SDR42E1: variants seen among roughly 807,000 people sequenced by gnomAD.
SDR42E1 encodes short chain dehydrogenase/reductase family 42E, member 1.
A neutral mutation model predicts 2.6 loss-of-function variants in SDR42E1; 5 were observed. The observed-to-expected ratio is 1.94, with a 90% CI of 1.01 to 4.08. SDR42E1 has a LOEUF of 4.08. SDR42E1 is among the 30% of genes most tolerant of loss of function. The pLI is 0.00. For missense variants in SDR42E1, 596 were observed against 478.6 expected, an observed-to-expected ratio of 1.25 and a Z score of -2.29; for synonymous variants, 231 against 188.3, an observed-to-expected ratio of 1.23 and a Z score of -1.86.
chr16:82,000,725 G>C, intron 2 of SDR42E1, 66 bp downstream of exon 2: 3 of 1,182,148 alleles, frequency 2.5e-6, no homozygotes, highest in Non-Finnish European at 2.5e-6. Flanking sequence ...TCTGCTGTCA[G>C]AGTTGAATGC....
rs1912542222 is a variant in SDR42E1, at chr16:81,996,378, G to A, written c.*2733C>T. 1 of 152,216 alleles carries A rather than the reference G, an allele frequency of 6.6e-6. No individual in the cohort carries two copies. The highest frequency in any genetic ancestry group is 2.1e-4 in the South Asian group (1 of 4,828). The allele number at this position is 152,216 out of a possible 1,614,324, so 9.4% of individuals were successfully genotyped here. On this transcript the variant is annotated 3_prime_UTR_variant, in exon 3 of 3. Coordinates refer to ENST00000328945, the MANE Select transcript of SDR42E1 (RefSeq NM_145168.3). The stretch of plus-strand genomic sequence containing the variant: ...ATCAACTGGCTTAAACATGGGTTAG[G>A]TGTGTCAAGTCTGGGAGAGGGCAGG...
Position 81,989,575 on chromosome 16 carries a change from G to C in SDR42E1, c.*9536C>G, listed in dbSNP as rs995654637. 2.0e-5 allele frequency: 3 copies of C among 152,220 alleles called. No individual in the cohort carries two copies. The highest frequency in any genetic ancestry group is 2.9e-5 in the Non-Finnish European group (2 of 68,048). The allele number at this position is 152,220 out of a possible 1,614,324, so 9.4% of individuals were successfully genotyped here. On this transcript the variant is annotated 3_prime_UTR_variant, in exon 3 of 3. Coordinates refer to ENST00000328945, the MANE Select transcript of SDR42E1 (RefSeq NM_145168.3). Reference sequence around the variant, plus strand: ...ATTTAAAACCAACACACACCGCTATGGGTGTTTATAGACATCAAAATTTAG... The same window carrying C: ...ATTTAAAACCAACACACACCGCTATCGGTGTTTATAGACATCAAAATTTAG...
In SDR42E1 at chr16:81,994,264, G is replaced by C. The variant is rs760533971; in HGVS notation, c.*4847C>G. On this transcript the variant is annotated 3_prime_UTR_variant, in exon 3 of 3. Coordinates refer to ENST00000328945, the MANE Select transcript of SDR42E1 (RefSeq NM_145168.3). ...TTTGGCTCTTCTTAACACATAGCTG[G>C]ACCCAGCAGCCCAAACATCATCAGC... 6.6e-6 allele frequency: 1 copy of C among 152,202 alleles called. No homozygotes were observed. The highest frequency in any genetic ancestry group is 2.4e-5 in the African/African-American group (1 of 41,418). The allele number at this position is 152,202 out of a possible 1,614,324, so 9.4% of individuals were successfully genotyped here.
In SDR42E1 at chr16:81,993,136, C is replaced by G. The variant is rs533015502; in HGVS notation, c.*5975G>C. 1.3e-5 allele frequency: 2 copies of G among 152,198 alleles called. No homozygotes were observed. Among genetic ancestry groups the G allele is most frequent in the Non-Finnish European group, 2.9e-5 (2 of 68,092 alleles). 9.4% of individuals were successfully genotyped at this position (152,198 alleles called of 1,614,324 possible). On this transcript the variant is annotated 3_prime_UTR_variant, in exon 3 of 3. Transcript: ENST00000328945. ...ATAAAGGAGCAGGTGGGGGGTCACT[C>G]GAATCCAAGGCCCTTTGGCGAGTCC...
chr16:81,999,759 T>G lies in SDR42E1; in HGVS notation c.534A>C (p.Leu178Phe). 4 of 1,614,212 alleles carry G rather than the reference T, an allele frequency of 2.5e-6. No homozygotes were observed. The highest frequency in any genetic ancestry group is 3.4e-6 in the Non-Finnish European group (4 of 1,180,022). Reference sequence around the variant, plus strand: ...CAGCTGGCCTCAGAGCGCAGGTTCTTAAGACACCGTCGCCTCTGTCCAGGG... The same window carrying G: ...CAGCTGGCCTCAGAGCGCAGGTTCTGAAGACACCGTCGCCTCTGTCCAGGG... Reference protein sequence around the residue: ...ATPLDRGDGVLRTCALRPAGI... With the variant: ...ATPLDRGDGVFRTCALRPAGI... The change falls in exon 3 of 3, where the codon TTA (leucine) becomes TTC (phenylalanine). Residue 178 changes from leucine to phenylalanine, a missense_variant. Coordinates refer to ENST00000328945, the MANE Select transcript of SDR42E1 (RefSeq NM_145168.3).
Position 81,991,833 on chromosome 16 carries a change from G to T in SDR42E1, c.*7278C>A, listed in dbSNP as rs1912435482. ...AGGTACTGCATCTCCCTAAGCCTCA[G>T]TTTCCTCCCATGTAAACTGGAGATA... On this transcript the variant is annotated 3_prime_UTR_variant, in exon 3 of 3. Transcript: ENST00000328945. The T allele has an allele frequency of 6.6e-6, 1 of 152,018 alleles. No individual in the cohort carries two copies. Among genetic ancestry groups the T allele is most frequent in the African/African-American group, 2.4e-5 (1 of 41,364 alleles). The allele number at this position is 152,018 out of a possible 1,614,324, so 9.4% of individuals were successfully genotyped here. A position where few individuals can be genotyped will look rare whatever the true frequency, so the allele number is the denominator to read the frequency against.
chr16:81,994,120 A>G lies in SDR42E1; in HGVS notation c.*4991T>C, dbSNP rs1038639617. ...AGAAAAATCGAACTTAAAGGACCTT[A>G]AGCAGAAAAGAAAGTGAACTGAAGA... On this transcript the variant is annotated 3_prime_UTR_variant, in exon 3 of 3. Coordinates refer to ENST00000328945, the MANE Select transcript of SDR42E1 (RefSeq NM_145168.3). The G allele has an allele frequency of 6.6e-6, 1 of 152,214 alleles. No individual in the cohort carries two copies. The highest frequency in any genetic ancestry group is 1.5e-5 in the Non-Finnish European group (1 of 68,046). 9.4% of individuals were successfully genotyped at this position (152,214 alleles called of 1,614,324 possible).
intron 1 of SDR42E1, among the ~76,000 whole-genome samples, chr16:82,004,787 C>T (rs1410425114): frequency 6.6e-6 from 1 of 152,164 alleles, no homozygotes; most frequent in Non-Finnish European, 1.5e-5. Flanking sequence ...GGCCAGGGTC[C>T]AGGTAAGGGA....
chr16:82,007,189 T>C (rs1050318005), intron 1 of SDR42E1, among the ~76,000 whole-genome samples: 3 of 152,240 alleles, frequency 2.0e-5, no homozygotes, highest in East Asian at 1.9e-4. Context: ...CCAGTAAATA[T>C]AAATGGGGTG....
intron 1 of SDR42E1, among the ~76,000 whole-genome samples, chr16:82,010,377 C>T (rs1304769220): frequency 6.6e-6 from 1 of 152,166 alleles, no homozygotes; most frequent in Admixed American, 6.5e-5. Context: ...TTAACCACTA[C>T]ATGTAATGCC....
At chr16:82,000,525 A>T (rs1053659928) in intron 2 of SDR42E1, 2 of 589,278 alleles carry the variant, frequency 3.4e-6, no homozygotes, top group Admixed American at 5.9e-5. Flanking sequence ...ATAATAAGAT[A>T]ACTGTGAAAG....
rs1028845700 is a variant in SDR42E1, at chr16:81,994,316, G to A, written c.*4795C>T. Reference sequence around the variant, plus strand: ...CTCGGTCCTCTCCTTCAGGTAGGAGGACCCTGAAGAGGAGCTGCACCAAGC... The same window carrying A: ...CTCGGTCCTCTCCTTCAGGTAGGAGAACCCTGAAGAGGAGCTGCACCAAGC... On this transcript the variant is annotated 3_prime_UTR_variant, in exon 3 of 3. Coordinates refer to ENST00000328945, the MANE Select transcript of SDR42E1 (RefSeq NM_145168.3). 1.3e-5 allele frequency: 2 copies of A among 152,224 alleles called. No individual in the cohort carries two copies. The highest frequency in any genetic ancestry group is 4.8e-5 in the African/African-American group (2 of 41,442). 9.4% of individuals were successfully genotyped at this position (152,224 alleles called of 1,614,324 possible).
In SDR42E1 at chr16:81,996,734, C is replaced by T. The variant is rs1039964629; in HGVS notation, c.*2377G>A. 6.6e-6 allele frequency: 1 copy of T among 152,090 alleles called. No individual in the cohort carries two copies. The highest frequency in any genetic ancestry group is 1.5e-5 in the Non-Finnish European group (1 of 68,034). The allele number at this position is 152,090 out of a possible 1,614,324, so 9.4% of individuals were successfully genotyped here. A position where few individuals can be genotyped will look rare whatever the true frequency, so the allele number is the denominator to read the frequency against. ...GCCAAGGAATGAGCACTGAGAAAAT[C>T]TACCATTTCAAGCTGGAGTGGGAGA... is the stretch of plus-strand genomic sequence containing the variant. On this transcript the variant is annotated 3_prime_UTR_variant, in exon 3 of 3. Transcript: ENST00000328945.
rs1479483799 is a variant in SDR42E1 at position 81,999,636 on chromosome 16, C to G, written c.657G>C (p.Leu219=). The change falls in exon 3 of 3, where the codon CTG becomes CTC. Residue 219 remains leucine, a synonymous_variant. Coordinates refer to ENST00000328945, the MANE Select transcript of SDR42E1 (RefSeq NM_145168.3). Reference sequence around the variant, plus strand: ...AGTTATCCACGTGGACAAACTCAACCAGGCTCCTGGGGTCCCCGTAGACAA... The same window carrying G: ...AGTTATCCACGTGGACAAACTCAACGAGGCTCCTGGGGTCCCCGTAGACAA... ...FKFVYGDPRS[L]VEFVHVDNLV... The G allele has an allele frequency of 6.2e-7, 1 of 1,614,204 alleles. No individual in the cohort carries two copies. Among genetic ancestry groups the G allele is most frequent in the Non-Finnish European group, 8.5e-7 (1 of 1,180,032 alleles).
rs1912686251 is a variant in SDR42E1 at position 81,999,862 on chromosome 16, G to A, written c.431C>T (p.Pro144Leu). The A allele has an allele frequency of 1.9e-6, 3 of 1,614,162 alleles. No homozygotes were observed. Among genetic ancestry groups the A allele is most frequent in the Middle Eastern group, 3.3e-4 (2 of 6,062 alleles). Residue 144 changes from proline (P) to leucine (L), a missense_variant, in exon 3 of 3, where the codon CCT (proline) becomes CTT (leucine). Physicochemically the swap from Pro to Leu is moderately conservative, Grantham distance 98. Transcript: ENST00000328945. Reference sequence around the variant, plus strand: ...GTAGTGATCAGGGTGGAGGTGAAGAGGCAGGTAGGGCAGAGATTCATCCCC... The same window carrying A: ...GTAGTGATCAGGGTGGAGGTGAAGAAGCAGGTAGGGCAGAGATTCATCCCC... ...RNGDESLPYL[P>L]LHLHPDHYSR...
intron 1 of SDR42E1, among the ~76,000 whole-genome samples, chr16:82,010,524 C>T (rs930753012): frequency 1.3e-5 from 2 of 152,152 alleles, no homozygotes; most frequent in Admixed American, 6.5e-5. Flanking sequence ...GCAAACCTGC[C>T]TCCCATTCTA....
intron 1 of SDR42E1, among the ~76,000 whole-genome samples, chr16:82,003,906 A>G (rs1237407639): frequency 6.6e-6 from 1 of 152,226 alleles, no homozygotes; most frequent in East Asian, 1.9e-4. Context: ...AACACCCTAA[A>G]ATATATCCAA....
intron 2 of SDR42E1, chr16:82,000,429 A>AAG: frequency 1.4e-6 from 1 of 719,512 alleles, no homozygotes; most frequent in Non-Finnish European, 2.5e-6. Context: ...TTAAATTACA[A>AAG]AGAGAGAGGC....
chr16:82,001,616 A>G (rs1912760583), intron 1 of SDR42E1, among the ~76,000 whole-genome samples: 1 of 152,042 alleles, frequency 6.6e-6, no homozygotes, highest in African/African-American at 2.4e-5. Flanking sequence ...TGTGGGAGGG[A>G]GAGAGGCCAG....
Sources: gnomAD v4.1 joint callset for allele counts (sites outside exome capture counted in the v4.1 genomes callset) on GRCh38, gnomAD v4.1.1 for gene constraint, MANE v1.5 for transcripts, NCBI Gene and HGNC (gene_info 2026-07-23, HGNC 2026-07-21) for gene names.